The following SCAF4 variants were observed in gnomAD, a reference collection of about 807,000 sequenced individuals.
SCAF4 encodes SR-related and CTD-associated factor 4.
Under a neutral mutation model 129.8 loss-of-function variants are expected in SCAF4, and 25 were observed. The ratio of observed to expected loss-of-function variants is 0.19; its 90% confidence interval spans 0.14 to 0.27. The LOEUF is 0.27. Among genes scored for constraint, SCAF4 ranks in the 10% least tolerant of loss-of-function variants. The pLI is 1.00. For synonymous variants in SCAF4, 551 were observed against 497.7 expected, an observed-to-expected ratio of 1.11 and a Z score of -1.43; for missense variants, 1,246 against 1,457.1, an observed-to-expected ratio of 0.86 and a Z score of 2.36.
chr21:31,705,007 A>G (rs2050623122), intron 3 of SCAF4, among the ~76,000 whole-genome samples: 1 of 152,202 alleles, frequency 6.6e-6, no homozygotes, highest in South Asian at 2.1e-4. Context: ...TGCCAATCAC[A>G]CAGTTATAAA....
At chr21:31,730,697 A>T (rs879556797) in intron 1 of SCAF4, among the ~76,000 whole-genome samples, 38 of 152,344 alleles carry the variant, frequency 2.5e-4, no homozygotes, top group Admixed American at 1.2e-3. Flanking sequence ...TGCATTTTAA[A>T]TCATCAATGG....
At chr21:31,682,542 A>C (rs931361219) in intron 19 of SCAF4, among the ~76,000 whole-genome samples, 1 of 152,176 alleles carries the variant, frequency 6.6e-6, no homozygotes, top group African/African-American at 2.4e-5. Context: ...ACCACTCACT[A>C]AGTGCCTGCC....
intron 16 of SCAF4, among the ~76,000 whole-genome samples, chr21:31,687,916 T>C (rs2050163954): frequency 6.6e-6 from 1 of 151,880 alleles, no homozygotes; most frequent in South Asian, 2.1e-4. Flanking sequence ...GATACGAGCC[T>C]GGCCAGCATG....
chr21:31,706,741 G>A (rs2050673203), intron 1 of SCAF4: 1 of 229,818 alleles, frequency 4.4e-6, no homozygotes, highest in Non-Finnish European at 8.8e-6. Flanking sequence ...AAAGGGAGGG[G>A]GAGCAAAGAG....
intron 7 of SCAF4, among the ~76,000 whole-genome samples, chr21:31,699,744 T>C (rs1568844782): frequency 6.6e-6 from 1 of 152,220 alleles, no homozygotes; most frequent in South Asian, 2.1e-4. Flanking sequence ...TTTCAAACTT[T>C]TGAGTTTTTT....
chr21:31,697,303 A>T (rs2050411799), intron 7 of SCAF4, among the ~76,000 whole-genome samples: 1 of 152,200 alleles, frequency 6.6e-6, no homozygotes, highest in African/African-American at 2.4e-5. Context: ...TTCACAGCTT[A>T]CCAGAAACTT....
intron 1 of SCAF4, among the ~76,000 whole-genome samples, chr21:31,708,956 T>C (rs1258219247): frequency 6.6e-6 from 1 of 152,218 alleles, no homozygotes; most frequent in Non-Finnish European, 1.5e-5. Flanking sequence ...GGAACTTTCA[T>C]GCAGGTACAA....
rs571716147 is a variant in SCAF4, at chr21:31,673,463, A to T, written c.2489-1109T>A. On this transcript the variant is annotated intron_variant, in intron 19 of 19. Coordinates refer to ENST00000286835, the MANE Select transcript of SCAF4 (RefSeq NM_020706.2). ...AATACTTGGGTGACACTGACAGAAA[A>T]ATGACCAATTGGGAAATGCTGATTA... Among the ~76,000 whole-genome samples the T allele has an allele frequency of 7.6e-5, 10 of 131,620 alleles. 1 individual carries two copies. Among genetic ancestry groups the T allele is most frequent in the African/African-American group, 2.9e-4 (9 of 30,634 alleles). 86.3% of individuals were successfully genotyped at this position (131,620 alleles called of 152,430 possible). A position where few individuals can be genotyped will look rare whatever the true frequency, so the allele number is the denominator to read the frequency against.
At chr21:31,692,547 A>G (rs1228815192) in intron 12 of SCAF4, 98 bp from the exon 13 acceptor site, 1 of 707,434 alleles carries the variant, frequency 1.4e-6, no homozygotes, top group African/African-American at 1.8e-5. Flanking sequence ...TTCATGAACT[A>G]TATTACAACA....
At position 31,694,441 on chromosome 21, in the gene SCAF4, C is replaced by G. The variant is rs185630160; in HGVS notation, c.1237-152G>C. The G allele has an allele frequency of 2.6e-4, 146 of 554,888 alleles. 1 individual carries two copies. The Admixed American group carries it at 3.0e-3, about 11-fold the overall frequency. 34.4% of individuals were successfully genotyped at this position (554,888 alleles called of 1,614,324 possible). On this transcript the variant is annotated intron_variant, in intron 10 of 19. Coordinates refer to ENST00000286835, the MANE Select transcript of SCAF4 (RefSeq NM_020706.2). ...CAAATTACTAGTAACAACTGGCCAT[C>G]ACTGGGAAAAAAAAACAAAAACAAA...
chr21:31,673,058 T>C (rs1226442570), intron 19 of SCAF4, among the ~76,000 whole-genome samples: 2 of 152,216 alleles, frequency 1.3e-5, no homozygotes, highest in Non-Finnish European at 2.9e-5. Flanking sequence ...GCTGTTCACC[T>C]TCTATTCATT....
intron 14 of SCAF4, among the ~76,000 whole-genome samples, chr21:31,691,250 T>A (rs1271027070): frequency 6.6e-6 from 1 of 152,186 alleles, no homozygotes; most frequent in African/African-American, 2.4e-5. Flanking sequence ...AGGCTGAAGT[T>A]CCCTGAATAG....
intron 8 of SCAF4, 82 bp downstream of exon 8, chr21:31,696,487 G>C (rs1033149975): frequency 3.2e-6 from 4 of 1,259,468 alleles, no homozygotes; most frequent in Middle Eastern, 2.8e-4. Flanking sequence ...GAACATTGTT[G>C]TCATTGCTAA....
chr21:31,672,203 G>A lies in SCAF4; in HGVS notation c.2640C>T (p.Pro880=). The A allele has an allele frequency of 6.2e-7, 1 of 1,606,126 alleles. No individual in the cohort carries two copies. The highest frequency in any genetic ancestry group is 1.3e-5 in the African/African-American group (1 of 74,754). The part of the protein sequence containing the change: ...LQRFPLMPPR[P]MPPHMMHRGP... ...CTCTGTGCATCATGTGCGGTGGCAT[G>A]GGACGGGGCGGCATCAAAGGGAACC... is the stretch of plus-strand genomic sequence containing the variant. Residue 880 remains proline (P), a synonymous_variant, in exon 20 of 20, where the codon CCC becomes CCT. Coordinates refer to ENST00000286835, the MANE Select transcript of SCAF4 (RefSeq NM_020706.2).
In SCAF4 at chr21:31,731,784, T is replaced by A. The variant is rs1245834684; in HGVS notation, c.-92A>T. 1 of 1,408,194 alleles carries A rather than the reference T, an allele frequency of 7.1e-7. No individual in the cohort carries two copies. The highest frequency in any genetic ancestry group is 9.3e-7 in the Non-Finnish European group (1 of 1,069,762). 87.2% of individuals were successfully genotyped at this position (1,408,194 alleles called of 1,614,324 possible). A position where few individuals can be genotyped will look rare whatever the true frequency, so the allele number is the denominator to read the frequency against. On this transcript the variant is annotated 5_prime_UTR_variant, in exon 1 of 20. Coordinates refer to ENST00000286835, the MANE Select transcript of SCAF4 (RefSeq NM_020706.2). Reference sequence around the variant, plus strand: ...GGGCTGGGAAACCAGCCGGGCCTGGTGGCCGGGGGGAGGCGACGAGCGGCG... The same window carrying A: ...GGGCTGGGAAACCAGCCGGGCCTGGAGGCCGGGGGGAGGCGACGAGCGGCG...
At chr21:31,702,572 A>C (rs1349790376) in intron 4 of SCAF4, among the ~76,000 whole-genome samples, 193 bp from the exon 5 acceptor site, 4 of 152,174 alleles carry the variant, frequency 2.6e-5, no homozygotes, top group Non-Finnish European at 5.9e-5. Context: ...GGTATCATCT[A>C]GAGTAAGGAA....
In SCAF4 at chr21:31,671,041, G is replaced by A. The variant is rs987683785; in HGVS notation, c.*358C>T. The A allele has an allele frequency of 3.7e-5, 7 of 187,468 alleles. No individual in the cohort carries two copies. The highest frequency in any genetic ancestry group is 2.8e-4 in the East Asian group (2 of 7,052). 11.6% of individuals were successfully genotyped at this position (187,468 alleles called of 1,614,324 possible). A position where few individuals can be genotyped will look rare whatever the true frequency, so the allele number is the denominator to read the frequency against. On this transcript the variant is annotated 3_prime_UTR_variant, in exon 20 of 20. Transcript: ENST00000286835. Reference sequence around the variant, plus strand: ...AATAGCACACATTAAAGTTTGTTACGAAAATAGAGTTTATTAAAAACATCC... The same window carrying A: ...AATAGCACACATTAAAGTTTGTTACAAAAATAGAGTTTATTAAAAACATCC...
chr21:31,681,364 AT>A (rs1205127770), intron 19 of SCAF4, among the ~76,000 whole-genome samples: 1 of 152,182 alleles, frequency 6.6e-6, no homozygotes. Flanking sequence ...ACAAACAAAC[AT>A]TTTTTTGTGT....
At chr21:31,693,531 C>T (rs2050311024) in intron 11 of SCAF4, 47 bp from the exon 12 acceptor site, 1 of 1,265,820 alleles carries the variant, frequency 7.9e-7, no homozygotes, top group Admixed American at 2.7e-5. Context: ...TAGACAAAAA[C>T]CAGAAAATAT....
Sources: allele counts gnomAD v4.1 joint callset (sites outside exome capture counted in the v4.1 genomes callset), GRCh38; gene constraint gnomAD v4.1.1; transcripts MANE v1.5; gene names NCBI Gene and HGNC (gene_info 2026-07-23, HGNC 2026-07-21).